Variants in ANKS1B observed in about 807,000 individuals in gnomAD.
The protein encoded by ANKS1B is ankyrin repeat and sterile alpha motif domain-containing protein 1B.
ANKS1B carries 36 observed loss-of-function variants against 148.3 expected under a neutral mutation model. The observed-to-expected ratio is 0.24, with a 90% CI of 0.19 to 0.32. The LOEUF is 0.32. Ranked by LOEUF, ANKS1B falls within the 10% of genes least tolerant of loss-of-function variation. ANKS1B has a pLI of 1.00. For missense variants in ANKS1B, 1,157 were observed against 1,542.6 expected, an observed-to-expected ratio of 0.75 and a Z score of 4.19; for synonymous variants, 542 against 560.8, an observed-to-expected ratio of 0.97 and a Z score of 0.47.
intron 8 of ANKS1B, among the ~76,000 whole-genome samples, chr12:99,672,511 C>T (rs991631371): frequency 6.6e-6 from 1 of 152,098 alleles, no homozygotes; most frequent in Non-Finnish European, 1.5e-5. Flanking sequence ...AAGACAAAAC[C>T]TCTTCCTGTG....
chr12:99,064,620 G>A (rs564637642), intron 16 of ANKS1B, among the ~76,000 whole-genome samples: 4 of 152,322 alleles, frequency 2.6e-5, no homozygotes, highest in East Asian at 1.9e-4. Flanking sequence ...ATTTCAAGCC[G>A]TGTGTGAGAG....
intron 11 of ANKS1B, among the ~76,000 whole-genome samples, chr12:99,415,017 C>T (rs11109830): frequency 0.032 from 4,903 of 152,180 alleles, 293 homozygotes; most frequent in African/African-American, 0.11. Flanking sequence ...AGACTGTATA[C>T]ACACATGAGA....
At chr12:99,803,778 C>T (rs1335043531) in intron 4 of ANKS1B, among the ~76,000 whole-genome samples, 1 of 152,278 alleles carries the variant, frequency 6.6e-6, no homozygotes, top group Non-Finnish European at 1.5e-5. Flanking sequence ...AATTCAAAGT[C>T]GTGTTGGACT....
chr12:99,660,996 G>C (rs2098474793), intron 8 of ANKS1B, among the ~76,000 whole-genome samples: 1 of 152,094 alleles, frequency 6.6e-6, no homozygotes, highest in Admixed American at 6.6e-5. Context: ...ACGAAGGCTG[G>C]AATGTAACGA....
At chr12:99,608,112 G>A (rs1331479530) in intron 9 of ANKS1B, among the ~76,000 whole-genome samples, 1 of 152,012 alleles carries the variant, frequency 6.6e-6, no homozygotes, top group African/African-American at 2.4e-5. Flanking sequence ...CCATAGTTGG[G>A]TCATACAACA....
chr12:99,578,026 T>C (rs1156788379), intron 9 of ANKS1B, among the ~76,000 whole-genome samples: 2 of 152,026 alleles, frequency 1.3e-5, no homozygotes, highest in Non-Finnish European at 2.9e-5. Flanking sequence ...TTCACCCCAA[T>C]CAAGTAGGCT....
chr12:99,851,786 A>C (rs2087896882), intron 1 of ANKS1B, among the ~76,000 whole-genome samples: 1 of 152,196 alleles, frequency 6.6e-6, no homozygotes, highest in Non-Finnish European at 1.5e-5. Flanking sequence ...AGCCTTTTGC[A>C]AAACTATGTG....
intron 9 of ANKS1B, among the ~76,000 whole-genome samples, chr12:99,612,291 G>A (rs1030598800): frequency 2.6e-5 from 4 of 152,138 alleles, no homozygotes; most frequent in Non-Finnish European, 4.4e-5. Context: ...AGTGATCTAT[G>A]ATGTCTTCAA....
intron 12 of ANKS1B, among the ~76,000 whole-genome samples, chr12:99,351,779 A>T (rs1566942598): frequency 6.6e-6 from 1 of 152,094 alleles, no homozygotes; most frequent in African/African-American, 2.4e-5. Context: ...ACATTTTACC[A>T]GAAAGGAAGC....
intron 12 of ANKS1B, among the ~76,000 whole-genome samples, chr12:99,339,979 T>G (rs1020979723): frequency 6.6e-6 from 1 of 152,172 alleles, no homozygotes; most frequent in Non-Finnish European, 1.5e-5. Context: ...CCCTGTCTTT[T>G]AGATTTTTTA....
intron 9 of ANKS1B, among the ~76,000 whole-genome samples, chr12:99,558,552 G>A (rs2153190691): frequency 6.6e-6 from 1 of 152,288 alleles, no homozygotes; most frequent in East Asian, 1.9e-4. Flanking sequence ...GGGTTGGTGT[G>A]TGTCAACAAG....
At chr12:99,677,845 C>T (rs535148530) in intron 8 of ANKS1B, among the ~76,000 whole-genome samples, 2 of 152,088 alleles carry the variant, frequency 1.3e-5, no homozygotes, top group Non-Finnish European at 1.5e-5. Context: ...TGGTGGCACG[C>T]GCCTGTAGTC....
At chr12:99,951,862 G>A (rs977851875) in intron 1 of ANKS1B, among the ~76,000 whole-genome samples, 2 of 152,156 alleles carry the variant, frequency 1.3e-5, no homozygotes, top group African/African-American at 4.8e-5. Context: ...CTCTAGCCAA[G>A]GAGACAGCGA....
At chr12:98,954,146 A>G (rs2099858587) in intron 17 of ANKS1B, among the ~76,000 whole-genome samples, 1 of 152,178 alleles carries the variant, frequency 6.6e-6, no homozygotes, top group Non-Finnish European at 1.5e-5. Context: ...TGCATGAAAC[A>G]CTTGTCTGTC....
At chr12:99,783,200 A>G (rs2064555710) in intron 4 of ANKS1B, among the ~76,000 whole-genome samples, 1 of 151,926 alleles carries the variant, frequency 6.6e-6, no homozygotes, top group South Asian at 2.1e-4. Context: ...CAAAAAAAAA[A>G]AAAAAGAAAA....
intron 8 of ANKS1B, among the ~76,000 whole-genome samples, chr12:99,715,781 TCTCA>T (rs773247669): frequency 8.5e-5 from 13 of 152,262 alleles, no homozygotes; most frequent in Middle Eastern, 3.4e-3. Flanking sequence ...CTCCAACCTC[TCTCA>T]CTATCCCTCA....
At chr12:98,793,434 AT>A (rs2098911715) in intron 22 of ANKS1B, among the ~76,000 whole-genome samples, 1 of 152,214 alleles carries the variant, frequency 6.6e-6, no homozygotes, top group African/African-American at 2.4e-5. Flanking sequence ...CTGGGAAAGA[AT>A]TTTTTGGATA....
chr12:99,598,968 C>T (rs1413614732), intron 9 of ANKS1B, among the ~76,000 whole-genome samples: 1 of 151,992 alleles, frequency 6.6e-6, no homozygotes, highest in Non-Finnish European at 1.5e-5. Flanking sequence ...AATTTCATTC[C>T]TTGCCTTTTT....
chr12:98,839,911 T>C (rs1255439822), intron 17 of ANKS1B, among the ~76,000 whole-genome samples: 1 of 152,198 alleles, frequency 6.6e-6, no homozygotes. Context: ...CTGGTGGGTA[T>C]AGCTAACTCT....
Sources: allele counts gnomAD v4.1 joint callset (sites outside exome capture counted in the v4.1 genomes callset), GRCh38; gene constraint gnomAD v4.1.1; transcripts MANE v1.5; gene names NCBI Gene and HGNC (gene_info 2026-07-23, HGNC 2026-07-21).